Variants in NEXMIF observed in about 807,000 individuals in gnomAD.
NEXMIF encodes XLMR protein related to neurite extension.
Under a neutral mutation model 62.1 loss-of-function variants are expected in NEXMIF, and 8 were observed. The ratio of observed to expected loss-of-function variants is 0.13; its 90% CI spans 0.08 to 0.23. The LOEUF (loss-of-function observed/expected upper bound fraction) is 0.23, where lower values mean the gene tolerates loss of function less well. NEXMIF is among the 10% of genes least tolerant of loss of function. The pLI is 1.00. For synonymous variants in NEXMIF, 404 were observed against 416.6 expected, an observed-to-expected ratio of 0.97 and a Z score of 0.37; for missense variants, 976 against 1,113.3, an observed-to-expected ratio of 0.88 and a Z score of 1.75.
At chrX:74,852,764 C>T (rs939829485) in intron 1 of NEXMIF, among the ~76,000 whole-genome samples, 23 of 110,790 alleles carry the variant, frequency 2.1e-4, no homozygotes, top group African/African-American at 3.6e-4. Flanking sequence ...AAAATGGAAA[C>T]GCAAGACACC....
intron 1 of NEXMIF, among the ~76,000 whole-genome samples, chrX:74,784,299 G>A (rs985346148): frequency 3.6e-5 from 4 of 111,705 alleles, no homozygotes; most frequent in East Asian, 5.6e-4. Flanking sequence ...TCCACAGTGC[G>A]TAGTGAAACA....
chrX:74,914,412 G>T (rs2080799987), intron 1 of NEXMIF, among the ~76,000 whole-genome samples: 1 of 111,979 alleles, frequency 8.9e-6, no homozygotes, highest in Non-Finnish European at 1.9e-5. Flanking sequence ...TCCCAGCACT[G>T]TAATTCCAAC....
chrX:74,771,821 C>CTG (rs756161385), intron 1 of NEXMIF, among the ~76,000 whole-genome samples: 1,769 of 108,872 alleles, frequency 0.016, 31 homozygotes, highest in African/African-American at 0.048. Context: ...AACTCTCACT[C>CTG]TGTGTGTGTG....
At chrX:74,819,248 C>A (rs1275365258) in intron 1 of NEXMIF, among the ~76,000 whole-genome samples, 2 of 111,829 alleles carry the variant, frequency 1.8e-5, no homozygotes, top group Non-Finnish European at 3.8e-5. Flanking sequence ...AAAACCTAGG[C>A]AATACCATTC....
intron 1 of NEXMIF, among the ~76,000 whole-genome samples, chrX:74,882,833 T>C (rs1463043589): frequency 8.9e-6 from 1 of 112,270 alleles, no homozygotes; most frequent in Non-Finnish European, 1.9e-5. Flanking sequence ...GATCTGAGAA[T>C]GGGCAGACTG....
intron 1 of NEXMIF, among the ~76,000 whole-genome samples, chrX:74,858,853 T>A (rs1224428663): frequency 1.8e-5 from 2 of 109,380 alleles, no homozygotes; most frequent in African/African-American, 3.3e-5. Context: ...ATTCTGGAGT[T>A]GAAAAATGCA....
At chrX:74,880,339 T>C (rs778836709) in intron 1 of NEXMIF, among the ~76,000 whole-genome samples, 1 of 111,277 alleles carries the variant, frequency 9.0e-6, no homozygotes, top group Non-Finnish European at 1.9e-5. Context: ...AACTCGTAGC[T>C]CAGCATTGTG....
intron 1 of NEXMIF, among the ~76,000 whole-genome samples, chrX:74,863,980 T>C (rs1305706554): frequency 8.9e-6 from 1 of 112,149 alleles, no homozygotes; most frequent in Non-Finnish European, 1.9e-5. Context: ...TAAACATAAC[T>C]GATCACATAG....
chrX:74,857,952 G>A (rs2080541344), intron 1 of NEXMIF, among the ~76,000 whole-genome samples: 1 of 111,869 alleles, frequency 8.9e-6, no homozygotes, highest in South Asian at 3.8e-4. Flanking sequence ...GTGGAAGAGT[G>A]GGAAGAAGAA....
intron 1 of NEXMIF, among the ~76,000 whole-genome samples, chrX:74,881,908 T>C (rs780907887): frequency 9.0e-6 from 1 of 111,563 alleles, no homozygotes; most frequent in Non-Finnish European, 1.9e-5. Context: ...TGCCACCTAG[T>C]AGTGAGTCTT....
chrX:74,836,341 G>A (rs1287987312), intron 1 of NEXMIF, among the ~76,000 whole-genome samples: 2 of 112,092 alleles, frequency 1.8e-5, no homozygotes, highest in Non-Finnish European at 3.8e-5. Flanking sequence ...TTTTCTGTCT[G>A]CTTTTCTCAT....
chrX:74,847,600 C>T (rs1054345931), intron 1 of NEXMIF, among the ~76,000 whole-genome samples: 3 of 111,418 alleles, frequency 2.7e-5, no homozygotes, highest in African/African-American at 9.8e-5. Context: ...TGGAAAGGGA[C>T]AGCATGAATT....
intron 1 of NEXMIF, among the ~76,000 whole-genome samples, chrX:74,916,529 GAAGAGA>G (rs1196760616): frequency 9.0e-6 from 1 of 111,384 alleles, no homozygotes; most frequent in Non-Finnish European, 1.9e-5. Context: ...ATAAGAAGAG[GAAGAGA>G]GAGACCTGAG....
At chrX:74,900,020 T>A (rs2080744203) in intron 1 of NEXMIF, among the ~76,000 whole-genome samples, 2 of 111,490 alleles carry the variant, frequency 1.8e-5, no homozygotes, top group Non-Finnish European at 3.8e-5. Flanking sequence ...AGTTTTAAAA[T>A]GAGCAAAGGA....
intron 1 of NEXMIF, among the ~76,000 whole-genome samples, chrX:74,768,718 T>C (rs1413516517): frequency 8.9e-6 from 1 of 111,953 alleles, no homozygotes; most frequent in African/African-American, 3.2e-5. Context: ...GGTTTAAACA[T>C]TGGATGGAGA....
chrX:74,853,224 T>C (rs565580865), intron 1 of NEXMIF, among the ~76,000 whole-genome samples: 2 of 109,865 alleles, frequency 1.8e-5, no homozygotes, highest in African/African-American at 3.3e-5. Flanking sequence ...AGAGGGTCTC[T>C]AGTTTGTGGC....
chrX:74,767,828 G>C (rs2080199101), intron 1 of NEXMIF, among the ~76,000 whole-genome samples: 1 of 112,613 alleles, frequency 8.9e-6, no homozygotes, highest in South Asian at 3.6e-4. Flanking sequence ...CTCCGTCTTA[G>C]GGAGGTGTAA....
At chrX:74,909,837 C>T (rs955086308) in intron 1 of NEXMIF, among the ~76,000 whole-genome samples, 7 of 112,254 alleles carry the variant, frequency 6.2e-5, no homozygotes, top group Middle Eastern at 4.6e-3. Flanking sequence ...AAGGGGCCAA[C>T]GTACAGCTCG....
intron 1 of NEXMIF, among the ~76,000 whole-genome samples, chrX:74,842,794 A>G (rs991955591): frequency 8.9e-6 from 1 of 112,006 alleles, no homozygotes; most frequent in Non-Finnish European, 1.9e-5. Context: ...AGCAATTTTC[A>G]TAGTTTTTAT....
Sources: gnomAD v4.1 joint callset for allele counts (sites outside exome capture counted in the v4.1 genomes callset) on GRCh38, gnomAD v4.1.1 for gene constraint, MANE v1.5 for transcripts, NCBI Gene and HGNC (gene_info 2026-07-23, HGNC 2026-07-21) for gene names.